Variants in CYP4Z1 observed in about 807,000 individuals in gnomAD.
The protein encoded by CYP4Z1 is cytochrome P450 family 4 subfamily Z member 1, also known as cytochrome P450 4Z1.
CYP4Z1 carries 41 observed loss-of-function variants against 54.2 expected under a neutral mutation model. The observed-to-expected ratio is 0.76, with a 90% CI of 0.59 to 0.98. The LOEUF (loss-of-function observed/expected upper bound fraction) is 0.98. CYP4Z1 is among the 50% of genes least tolerant of loss of function. The pLI is 0.00. For missense variants in CYP4Z1, 513 were observed against 599.0 expected, an observed-to-expected ratio of 0.86 and a Z score of 1.50; for synonymous variants, 163 against 206.2, an observed-to-expected ratio of 0.79 and a Z score of 1.79.
chr1:47,090,710 TG>T (rs1644632536), intron 6 of CYP4Z1, among the ~76,000 whole-genome samples: 1 of 151,884 alleles, frequency 6.6e-6, no homozygotes, highest in African/African-American at 2.4e-5. Context: ...TTCTTCACAT[TG>T]ATATGGAGAC....
intron 9 of CYP4Z1, among the ~76,000 whole-genome samples, chr1:47,112,101 G>A (rs1006437607): frequency 6.6e-6 from 1 of 152,062 alleles, no homozygotes; most frequent in African/African-American, 2.4e-5. Flanking sequence ...GGAAACAGGT[G>A]AATTAACAAA....
chr1:47,099,152 T>A lies in CYP4Z1; in HGVS notation c.935T>A (p.Met312Lys). The A allele has an allele frequency of 6.2e-7, 1 of 1,614,064 alleles. No homozygotes were observed. The highest frequency in any genetic ancestry group is 1.3e-5 in the African/African-American group (1 of 75,024). The change falls in exon 8 of 12, where the codon ATG becomes AAG. Residue 312 changes from methionine to lysine, a missense_variant. Met to Lys is a moderately conservative substitution (Grantham distance 95). Coordinates refer to ENST00000334194, the MANE Select transcript of CYP4Z1 (RefSeq NM_178134.3). ...CTCCAGGCTGAAGTGAAAACGTTCA[T>A]GTTTGCAGGACATGACACCACATCC... ...ADLQAEVKTF[M>K]FAGHDTTSSA...
intron 6 of CYP4Z1, among the ~76,000 whole-genome samples, chr1:47,088,747 G>A (rs1407742436): frequency 7.3e-6 from 1 of 137,680 alleles, no homozygotes; most frequent in African/African-American, 2.9e-5. Flanking sequence ...CCCCCAAGCA[G>A]CTGGGACTAC....
At chr1:47,066,105 AAAG>A (rs753920757), upstream of CYP4Z1, among the ~76,000 whole-genome samples, 9 of 152,188 alleles carry the variant, frequency 5.9e-5, no homozygotes, top group African/African-American at 1.2e-4. Context: ...TCACACATTC[AAAG>A]AAGAAGTGGT....
At chr1:47,085,263 A>G (rs1569718020) in intron 6 of CYP4Z1, among the ~76,000 whole-genome samples, 1 of 152,114 alleles carries the variant, frequency 6.6e-6, no homozygotes, top group African/African-American at 2.4e-5. Flanking sequence ...TCAGATGTGA[A>G]GAAAAGTAAA....
chr1:47,103,671 T>G (rs1644737278), intron 8 of CYP4Z1, among the ~76,000 whole-genome samples: 1 of 148,790 alleles, frequency 6.7e-6, no homozygotes, highest in South Asian at 2.2e-4. Flanking sequence ...CTTGGCTCAC[T>G]GCATTCTCCA....
rs1402829889 is a variant in CYP4Z1 at position 47,115,526 on chromosome 1, C to A, written c.1202-3C>A. On this transcript the variant is annotated splice_polypyrimidine_tract_variant and splice_region_variant and intron_variant, in intron 9 of 11. Coordinates refer to ENST00000334194, the MANE Select transcript of CYP4Z1 (RefSeq NM_178134.3). ...TTACCTGCTTTTTCTTCTGTTTACT[C>A]AGGAATAACTGTGTTTATCAATATT... 9 of 1,612,178 alleles carry A rather than the reference C, an allele frequency of 5.6e-6. No individual in the cohort carries two copies. Among genetic ancestry groups the A allele is most frequent in the Non-Finnish European group, 7.6e-6 (9 of 1,179,344 alleles).
Position 47,113,611 on chromosome 1 carries a change from G to C in CYP4Z1, c.1202-1918G>C, listed in dbSNP as rs1460673181. Among the ~76,000 whole-genome samples the C allele has an allele frequency of 2.6e-5, 4 of 152,164 alleles. No homozygotes were observed. The East Asian group carries it at 7.7e-4, about 29-fold the overall frequency. On this transcript the variant is annotated intron_variant, in intron 9 of 11. Transcript: ENST00000334194. Reference sequence around the variant, plus strand: ...AATAGATGTGAAAGAATCTTTGCTCGTATTTTATTGAGGATCACAAGCATT... The same window carrying C: ...AATAGATGTGAAAGAATCTTTGCTCCTATTTTATTGAGGATCACAAGCATT...
At chr1:47,092,128 A>G (rs1392223234) in intron 6 of CYP4Z1, among the ~76,000 whole-genome samples, 6 of 151,882 alleles carry the variant, frequency 4.0e-5, no homozygotes, top group Admixed American at 2.6e-4. Context: ...ATCTCCAGTG[A>G]TCTGTGCCAC....
chr1:47,097,820 A>ATTT (rs35258883), intron 7 of CYP4Z1, among the ~76,000 whole-genome samples: 12,743 of 128,282 alleles, frequency 0.099, 974 homozygotes, highest in East Asian at 0.19. Flanking sequence ...GTTCCATATG[A>ATTT]TTTTTTTTTT....
At chr1:47,116,346 A>G (rs1477842701) in intron 10 of CYP4Z1, among the ~76,000 whole-genome samples, 1 of 152,192 alleles carries the variant, frequency 6.6e-6, no homozygotes, top group African/African-American at 2.4e-5. Context: ...CTGTGAAGGG[A>G]AAATAATGAA....
At chr1:47,057,318 A>G in the CYP4Z1 span, among the ~76,000 whole-genome samples, 2 of 107,330 alleles carry the variant, frequency 1.9e-5, no homozygotes, top group African/African-American at 7.9e-5. Context: ...TCCCTTTGTT[A>G]CTTCTTAAGA....
intron 8 of CYP4Z1, among the ~76,000 whole-genome samples, chr1:47,104,620 A>G (rs1187284013): frequency 1.3e-5 from 2 of 152,208 alleles, no homozygotes; most frequent in Non-Finnish European, 2.9e-5. Flanking sequence ...GGTGGATACC[A>G]GCTGTGGTGG....
intron 9 of CYP4Z1, among the ~76,000 whole-genome samples, chr1:47,113,766 C>A (rs1448829389): frequency 2.0e-5 from 3 of 152,084 alleles, no homozygotes; most frequent in African/African-American, 4.8e-5. Context: ...TCAAGGAGAA[C>A]TACAAACCGC....
At chr1:47,069,533 G>A (rs1289538590) in intron 2 of CYP4Z1, among the ~76,000 whole-genome samples, 3 of 151,508 alleles carry the variant, frequency 2.0e-5, no homozygotes, top group Non-Finnish European at 2.9e-5. Context: ...TGGCTATCCA[G>A]TTTCAAACTT....
At position 47,082,287 on chromosome 1, in the gene CYP4Z1, A is replaced by G. The variant is rs377426400; in HGVS notation, c.365-47A>G. ...CTCACTGCGTGCCTAGTCTTTCTTC[A>G]CTTACCTGGCCTCTGATAGAAACAG... On this transcript the variant is annotated intron_variant, in intron 3 of 11. Transcript: ENST00000334194. 68 of 1,557,018 alleles carry G rather than the reference A, an allele frequency of 4.4e-5. 3 individuals are homozygous for G. In the African/African-American group the frequency reaches 5.3e-4, roughly 12 times the overall value.
At chr1:47,060,569 G>A in the CYP4Z1 span, among the ~76,000 whole-genome samples, 4 of 152,154 alleles carry the variant, frequency 2.6e-5, no homozygotes, top group Admixed American at 2.6e-4. Flanking sequence ...AGTTCTTAGA[G>A]ACTACAAAGA....
rs146867209 is a variant in CYP4Z1 at position 47,082,134 on chromosome 1, A to T, written c.365-200A>T. 8.6e-3 allele frequency among the ~76,000 whole-genome samples: 1,301 copies of T among 151,762 alleles called. 11 individuals carry two copies. Among genetic ancestry groups the T allele is most frequent in the South Asian group, 0.051 (244 of 4,798 alleles). The stretch of plus-strand genomic sequence containing the variant: ...ATAGGATAGGATGGACCTTTTTTTG[A>T]GTTCATTGTATAAACAAATTTTCTG... On this transcript the variant is annotated intron_variant, in intron 3 of 11. Transcript: ENST00000334194.
intron 1 of CYP4Z1, 46 bp from the exon 2 acceptor site, chr1:47,068,576 T>G: frequency 2.5e-6 from 4 of 1,605,346 alleles, no homozygotes; most frequent in Non-Finnish European, 3.4e-6. Flanking sequence ...GGGGTCCTCC[T>G]GGGGTGACAA....
Sources: allele counts gnomAD v4.1 joint callset (sites outside exome capture counted in the v4.1 genomes callset), GRCh38; gene constraint gnomAD v4.1.1; transcripts MANE v1.5; gene names NCBI Gene and HGNC (gene_info 2026-07-23, HGNC 2026-07-21).